ESRRG: variants seen among roughly 807,000 people sequenced by gnomAD.
The protein encoded by ESRRG is estrogen related receptor gamma.
ESRRG carries 13 observed loss-of-function variants against 44.0 expected under a neutral mutation model. The ratio of observed to expected loss-of-function variants is 0.30; its 90% CI spans 0.19 to 0.47. The LOEUF (loss-of-function observed/expected upper bound fraction) is 0.47. Among genes scored for constraint, ESRRG ranks in the 20% least tolerant of loss-of-function variants. The pLI is 1.00. For synonymous variants in ESRRG, 215 were observed against 214.6 expected, an observed-to-expected ratio of 1.00 and a Z score of -0.02; for missense variants, 395 against 580.6, an observed-to-expected ratio of 0.68 and a Z score of 3.29.
At chr1:217,090,310 G>T (rs555889010), upstream of ESRRG, 2 of 152,238 alleles carry the variant, frequency 1.3e-5, no homozygotes, top group East Asian at 3.9e-4. Context: ...AAAAACGTGG[G>T]GGGAGGGGAA....
chr1:216,645,559 C>T (rs143897576), intron 3 of ESRRG, among the ~76,000 whole-genome samples: 6 of 151,818 alleles, frequency 4.0e-5, no homozygotes, highest in South Asian at 2.1e-4. Context: ...ATTAGGTAGA[C>T]GAGAAATCAA....
intron 3 of ESRRG, among the ~76,000 whole-genome samples, chr1:216,598,943 G>C: frequency 6.6e-6 from 1 of 152,170 alleles, no homozygotes; most frequent in Middle Eastern, 3.4e-3. Context: ...CATACCTATA[G>C]AAAGAAATAT....
chr1:217,000,905 C>A (rs898870128), intron 1 of ESRRG, among the ~76,000 whole-genome samples: 4 of 152,236 alleles, frequency 2.6e-5, no homozygotes, highest in African/African-American at 4.8e-5. Context: ...TACACTTTTC[C>A]ATTCAATCAG....
At chr1:216,614,671 A>C (rs1438682172) in intron 3 of ESRRG, among the ~76,000 whole-genome samples, 2 of 152,226 alleles carry the variant, frequency 1.3e-5, no homozygotes, top group East Asian at 3.8e-4. Context: ...TGCAGGGGGA[A>C]GTGTTCCTGT....
chr1:216,728,266 A>G (rs2087959014), upstream of ESRRG, among the ~76,000 whole-genome samples: 1 of 152,218 alleles, frequency 6.6e-6, no homozygotes, highest in African/African-American at 2.4e-5. Context: ...TGCAGAAAAC[A>G]TTCAAGGTCA....
At chr1:216,920,383 A>AGT (rs10534433) in intron 2 of ESRRG, among the ~76,000 whole-genome samples, 2,981 of 124,066 alleles carry the variant, frequency 0.024, 60 homozygotes, top group African/African-American at 0.061. Flanking sequence ...AATGTATGGG[A>AGT]GTGTGTGTGT....
intron 1 of ESRRG, among the ~76,000 whole-genome samples, chr1:216,948,450 C>T (rs1462103692): frequency 7.2e-6 from 1 of 139,620 alleles, no homozygotes; most frequent in African/African-American, 2.8e-5. Flanking sequence ...GCACTCCAGC[C>T]TGGGCAAAAG....
intron 2 of ESRRG, among the ~76,000 whole-genome samples, chr1:216,778,049 T>C (rs144913633): frequency 1.3e-3 from 199 of 152,202 alleles, no homozygotes; most frequent in African/African-American, 4.6e-3. Context: ...ATTTGAGTTA[T>C]CTGGTCTCGG....
At chr1:216,968,493 A>AT (rs1387825429) in intron 1 of ESRRG, among the ~76,000 whole-genome samples, 2 of 151,952 alleles carry the variant, frequency 1.3e-5, no homozygotes, top group African/African-American at 4.8e-5. Flanking sequence ...TGAAAAGGCT[A>AT]TTTTTTCCCC....
chr1:217,051,204 C>CCGGGG (rs1215170555), intron 1 of ESRRG, among the ~76,000 whole-genome samples: 1 of 33,590 alleles, frequency 3.0e-5, no homozygotes, highest in Non-Finnish European at 5.7e-5. Context: ...ATAATGGGGG[C>CCGGGG]GGGGGGGGGG....
intron 1 of ESRRG, among the ~76,000 whole-genome samples, chr1:216,708,664 C>G (rs550137653): frequency 6.6e-6 from 1 of 152,100 alleles, no homozygotes; most frequent in African/African-American, 2.4e-5. Flanking sequence ...GGTGATTCCT[C>G]GAGGATGTAG....
intron 2 of ESRRG, chr1:216,805,119 G>A (rs902865928): frequency 2.0e-5 from 3 of 152,138 alleles, no homozygotes; most frequent in Admixed American, 2.0e-4. Flanking sequence ...ATCGAGATGT[G>A]GTGGCAGTAA....
intron 1 of ESRRG, among the ~76,000 whole-genome samples, chr1:217,124,344 T>C (rs776377460): frequency 7.2e-5 from 11 of 152,192 alleles, no homozygotes; most frequent in Non-Finnish European, 1.6e-4. Context: ...CTACCTAAAT[T>C]ACTGGGATAG....
intron 1 of ESRRG, among the ~76,000 whole-genome samples, chr1:217,040,570 G>A (rs907536020): frequency 1.2e-4 from 18 of 152,066 alleles, no homozygotes; most frequent in African/African-American, 4.1e-4. Flanking sequence ...TTATGCTGAT[G>A]ACTGTTTTAG....
intron 1 of ESRRG, among the ~76,000 whole-genome samples, chr1:216,944,145 T>C (rs552731224): frequency 1.3e-4 from 20 of 152,318 alleles, no homozygotes; most frequent in Admixed American, 5.9e-4. Context: ...AGGTCAAGCA[T>C]ATAATTCCAG....
intron 1 of ESRRG, among the ~76,000 whole-genome samples, chr1:217,049,860 G>A (rs143374962): frequency 3.9e-4 from 60 of 152,344 alleles, no homozygotes; most frequent in African/African-American, 1.3e-3. Context: ...GAATGGGGCA[G>A]AAAGTGAAGT....
At chr1:216,843,551 A>G (rs980329423) in intron 2 of ESRRG, among the ~76,000 whole-genome samples, 2 of 152,132 alleles carry the variant, frequency 1.3e-5, no homozygotes, top group Admixed American at 1.3e-4. Flanking sequence ...AACACGTCAG[A>G]GCAGAGTCAG....
intron 2 of ESRRG, among the ~76,000 whole-genome samples, chr1:216,838,933 G>A (rs896015284): frequency 6.6e-6 from 1 of 152,084 alleles, no homozygotes; most frequent in African/African-American, 2.4e-5. Context: ...TTAGAGTGGT[G>A]GTTGCTGAAG....
chr1:216,689,789 TGATTAAA>T (rs1263232483), intron 1 of ESRRG, among the ~76,000 whole-genome samples: 3 of 151,392 alleles, frequency 2.0e-5, no homozygotes, highest in African/African-American at 7.4e-5. Context: ...CAAATATAAC[TGATTAAA>T]GATTATACAG....
Sources: allele counts gnomAD v4.1 joint callset (sites outside exome capture counted in the v4.1 genomes callset), GRCh38; gene constraint gnomAD v4.1.1; transcripts MANE v1.5; gene names NCBI Gene and HGNC (gene_info 2026-07-23, HGNC 2026-07-21).